CSTPP1: variants seen among roughly 807,000 people sequenced by gnomAD.
CSTPP1 encodes the protein centriolar satellite-associated tubulin polyglutamylase complex regulator 1.
chr11:47,077,727 G>A, the CSTPP1 span, among the ~76,000 whole-genome samples: 72 of 152,298 alleles, frequency 4.7e-4, no homozygotes, highest in African/African-American at 1.6e-3. Context: ...AAGACAGCTA[G>A]AAAGCAATTC....
At chr11:47,058,870 T>A in the CSTPP1 span, among the ~76,000 whole-genome samples, 1 of 152,142 alleles carries the variant, frequency 6.6e-6, no homozygotes, top group South Asian at 2.1e-4. Flanking sequence ...GAAATACAAA[T>A]GAGTAAGTGA....
chr11:47,024,645 T>G, the CSTPP1 span, among the ~76,000 whole-genome samples: 1 of 152,208 alleles, frequency 6.6e-6, no homozygotes, highest in African/African-American at 2.4e-5. Flanking sequence ...GAGAAAGTTT[T>G]ATATAAATGA....
the CSTPP1 span, among the ~76,000 whole-genome samples, chr11:46,972,297 TGAG>T: frequency 6.6e-6 from 1 of 152,124 alleles, no homozygotes; most frequent in Non-Finnish European, 1.5e-5. Flanking sequence ...CATGATCTAG[TGAG>T]GAGGTTAAGT....
chr11:47,067,966 G>T, the CSTPP1 span, among the ~76,000 whole-genome samples: 2 of 151,866 alleles, frequency 1.3e-5, no homozygotes, highest in Non-Finnish European at 2.9e-5. Context: ...TTTCCACATT[G>T]ATAAACTTAT....
the CSTPP1 span, among the ~76,000 whole-genome samples, chr11:47,029,452 CAA>C: frequency 6.6e-6 from 1 of 151,462 alleles, no homozygotes; most frequent in Non-Finnish European, 1.5e-5. Flanking sequence ...ACTAAAAATA[CAA>C]AAAAATTAGC....
chr11:46,967,180 GT>G, the CSTPP1 span, among the ~76,000 whole-genome samples: 7 of 152,040 alleles, frequency 4.6e-5, no homozygotes, highest in Admixed American at 4.6e-4. Flanking sequence ...AAGTTTTATA[GT>G]TTTAGCTCTT....
the CSTPP1 span, chr11:47,052,407 G>A: frequency 1.9e-6 from 3 of 1,613,758 alleles, no homozygotes; most frequent in South Asian, 3.3e-5. Context: ...TGTATGCCAG[G>A]GAACACACAT....
At chr11:46,972,352 C>T in the CSTPP1 span, among the ~76,000 whole-genome samples, 1 of 152,080 alleles carries the variant, frequency 6.6e-6, no homozygotes, top group East Asian at 1.9e-4. Context: ...AGAGATAGGA[C>T]AGGGATTAGA....
the CSTPP1 span, among the ~76,000 whole-genome samples, chr11:47,007,361 A>G: frequency 6.6e-6 from 1 of 151,942 alleles, no homozygotes; most frequent in African/African-American, 2.4e-5. Flanking sequence ...TTTATTCTGG[A>G]TATTTTCTTC....
At chr11:47,082,027 A>G in the CSTPP1 span, among the ~76,000 whole-genome samples, 1 of 151,046 alleles carries the variant, frequency 6.6e-6, no homozygotes, top group Non-Finnish European at 1.5e-5. Flanking sequence ...ATTCGTAGCA[A>G]TAGTCTCAGC....
chr11:46,981,250 CATT>C, the CSTPP1 span, among the ~76,000 whole-genome samples: 31 of 150,360 alleles, frequency 2.1e-4, no homozygotes, highest in Admixed American at 1.7e-3. Context: ...GATCTCCAGA[CATT>C]GTTGATTAAA....
At chr11:47,030,125 TCAAAACAAAA>T in the CSTPP1 span, among the ~76,000 whole-genome samples, 3 of 151,946 alleles carry the variant, frequency 2.0e-5, no homozygotes, top group East Asian at 5.8e-4. Context: ...AGACCCTGCC[TCAAAACAAAA>T]CAAAACAAAA....
the CSTPP1 span, chr11:47,161,287 A>AT: frequency 6.2e-7 from 1 of 1,605,258 alleles, no homozygotes; most frequent in Non-Finnish European, 8.5e-7. Context: ...TGTCTGTAAC[A>AT]TCCCACATCT....
At chr11:46,993,688 T>G in the CSTPP1 span, among the ~76,000 whole-genome samples, 22 of 151,616 alleles carry the variant, frequency 1.5e-4, no homozygotes, top group Non-Finnish European at 1.5e-5. Flanking sequence ...AGCCTTGTAG[T>G]ATAGTTTGAA....
chr11:47,086,134 A>G, the CSTPP1 span, among the ~76,000 whole-genome samples: 40 of 149,576 alleles, frequency 2.7e-4, no homozygotes, highest in East Asian at 4.4e-3. Context: ...CACGCCTGAA[A>G]TCCCAGCACT....
the CSTPP1 span, among the ~76,000 whole-genome samples, chr11:47,051,184 C>T: frequency 2.6e-5 from 4 of 152,112 alleles, no homozygotes; most frequent in African/African-American, 9.7e-5. Context: ...TTGCCATCTT[C>T]AAATTTAATG....
chr11:47,000,923 A>G, the CSTPP1 span, among the ~76,000 whole-genome samples: 1 of 152,204 alleles, frequency 6.6e-6, no homozygotes, highest in African/African-American at 2.4e-5. Flanking sequence ...CATTTTACTC[A>G]TAAGGAAATT....
the CSTPP1 span, among the ~76,000 whole-genome samples, chr11:47,023,556 A>G: frequency 2.0e-5 from 3 of 152,252 alleles, no homozygotes; most frequent in Admixed American, 2.0e-4. Context: ...TAACTTTTCT[A>G]TCTTCCTAAA....
the CSTPP1 span, among the ~76,000 whole-genome samples, chr11:46,980,068 A>G: frequency 6.6e-6 from 1 of 152,146 alleles, no homozygotes; most frequent in Non-Finnish European, 1.5e-5. Flanking sequence ...TATAAAACAA[A>G]CAAACAAACA....
Sources: gnomAD v4.1 joint callset for allele counts (sites outside exome capture counted in the v4.1 genomes callset) on GRCh38, gnomAD v4.1.1 for gene constraint, MANE v1.5 for transcripts, NCBI Gene and HGNC (gene_info 2026-07-23, HGNC 2026-07-21) for gene names.